The following WNT8A variants were observed in gnomAD, a reference collection of about 807,000 sequenced individuals.
WNT8A encodes the protein Wnt family member 8A, also known as protein Wnt-8a.
Under a neutral mutation model 20.5 loss-of-function variants are expected in WNT8A, and 14 were observed. The ratio of observed to expected loss-of-function variants is 0.68; its 90% CI spans 0.45 to 1.07. WNT8A has a LOEUF of 1.07. Among genes scored for constraint, WNT8A ranks in the 50% least tolerant of loss-of-function variants. The pLI, the probability that WNT8A is intolerant of heterozygous loss-of-function variation, is 0.00. For missense variants in WNT8A, 397 were observed against 462.9 expected, an observed-to-expected ratio of 0.86 and a Z score of 1.31; for synonymous variants, 167 against 169.2, an observed-to-expected ratio of 0.99 and a Z score of 0.10.
intron 2 of WNT8A, among the ~76,000 whole-genome samples, chr5:138,086,813 T>G (rs1750677734): frequency 7.2e-6 from 1 of 139,490 alleles, no homozygotes; most frequent in African/African-American, 2.7e-5. Context: ...GGTGAGTGGA[T>G]CACTTGAGCC....
At position 138,090,771 on chromosome 5, in the gene WNT8A, T is replaced by G. The variant is rs762675896; in HGVS notation, c.808T>G (p.Leu270Val). 6.2e-7 allele frequency: 1 copy of G among 1,614,214 alleles called. No individual in the cohort carries two copies. Among genetic ancestry groups the G allele is most frequent in the South Asian group, 1.1e-5 (1 of 91,080 alleles). The change falls in exon 5 of 5, where the codon TTA becomes GTA. Residue 270 changes from leucine (L) to valine (V), a missense_variant. Physicochemically the swap from Leu to Val is conservative, Grantham distance 32. Coordinates refer to ENST00000506684, the MANE Select transcript of WNT8A (RefSeq NM_001300939.2). ...TAGCGCAGAGGCGGAACTGATCTTT[T>G]TAGAGGAATCACCAGATTACTGTAC... is the stretch of plus-strand genomic sequence containing the variant. ...LPSAEAELIF[L>V]EESPDYCTCN...
chr5:138,086,913 G>A (rs994810359), intron 2 of WNT8A, among the ~76,000 whole-genome samples: 3 of 149,300 alleles, frequency 2.0e-5, no homozygotes, highest in African/African-American at 7.4e-5. Context: ...GGGTGTGGTA[G>A]CATGCACCTA....
intron 2 of WNT8A, among the ~76,000 whole-genome samples, chr5:138,086,925 A>G (rs1334877571): frequency 2.0e-5 from 3 of 150,758 alleles, no homozygotes; most frequent in Non-Finnish European, 4.4e-5. Flanking sequence ...ATGCACCTAT[A>G]GTCCCAGCTA....
upstream of WNT8A, among the ~76,000 whole-genome samples, chr5:138,083,164 T>G (rs1431997696): frequency 6.6e-6 from 1 of 151,036 alleles, no homozygotes; most frequent in Non-Finnish European, 1.5e-5. Context: ...ACCTGTAGTC[T>G]CAGATACTTG....
Position 138,084,488 on chromosome 5 carries a change from C to A in WNT8A, c.157-10C>A. ...CGGGCAGAAGCTCACAGCCCTTTTC[C>A]CTTTGCCAGGCCTATCTGACCTACA... is the stretch of plus-strand genomic sequence containing the variant. On this transcript the variant is annotated splice_polypyrimidine_tract_variant and intron_variant, in intron 1 of 4. Transcript: ENST00000506684. The A allele has an allele frequency of 6.3e-7, 1 of 1,593,620 alleles. No individual in the cohort carries two copies. The highest frequency in any genetic ancestry group is 8.6e-7 in the Non-Finnish European group (1 of 1,168,988).
the WNT8A span, among the ~76,000 whole-genome samples, chr5:138,077,483 T>C: frequency 1.3e-5 from 2 of 152,220 alleles, no homozygotes; most frequent in African/African-American, 4.8e-5. Context: ...GTATTGAGTA[T>C]TGGCCTGAAC....
At chr5:138,084,726 ACAGTGAAATAAAAATGCTGC>A (rs1231774861) in intron 2 of WNT8A, 90 bp downstream of exon 2, 4 of 1,414,052 alleles carry the variant, frequency 2.8e-6, no homozygotes, top group Non-Finnish European at 2.8e-6. Context: ...CATGTATTGC[ACAGTGAAATAAAAATGCTGC>A]CAGTGACCTG....
In WNT8A at chr5:138,084,460, T is replaced by C. The variant is rs550262265; in HGVS notation, c.157-38T>C. 7 of 1,572,322 alleles carry C rather than the reference T, an allele frequency of 4.5e-6. No homozygotes were observed. The Middle Eastern group carries it at 5.2e-4, about 116-fold the overall frequency. On this transcript the variant is annotated intron_variant, in intron 1 of 4. Coordinates refer to ENST00000506684, the MANE Select transcript of WNT8A (RefSeq NM_001300939.2). ...TGCTCCCCCAACCACAGATGACCCATACCGGGCAGAAGCTCACAGCCCTTT... is the reference window on the plus strand; with the variant it reads ...TGCTCCCCCAACCACAGATGACCCACACCGGGCAGAAGCTCACAGCCCTTT...
chr5:138,091,029 C>T lies in WNT8A; in HGVS notation c.1066C>T (p.Arg356Cys), dbSNP rs377702980. The part of the protein sequence containing the change: ...RHVVSKYYCA[R>C]SPGSAQSLGK... ...TGTGGTGAGCAAGTATTACTGCGCA[C>T]GCTCCCCAGGCAGTGCCCAGTCCCT... Residue 356 changes from arginine to cysteine, a missense_variant, in exon 5 of 5, where the codon CGC (arginine) becomes TGC (cysteine). Coordinates refer to ENST00000506684, the MANE Select transcript of WNT8A (RefSeq NM_001300939.2). 380 of 1,613,732 alleles carry T rather than the reference C, an allele frequency of 2.4e-4. No individual in the cohort carries two copies. The highest frequency in any genetic ancestry group is 3.7e-4 in the African/African-American group (28 of 74,892).
intron 3 of WNT8A, among the ~76,000 whole-genome samples, chr5:138,088,244 AC>A (rs1750734766): frequency 6.6e-6 from 1 of 152,180 alleles, no homozygotes; most frequent in African/African-American, 2.4e-5. Context: ...TCAGCAATTT[AC>A]AGATTACCTA....
chr5:138,083,860 G>A (rs1435801715), upstream of WNT8A: 11 of 461,310 alleles, frequency 2.4e-5, no homozygotes, highest in Non-Finnish European at 4.2e-5. Context: ...GGCTGGAGGG[G>A]CTGGGCAGGG....
At chr5:138,082,836 C>T (rs1750542058), upstream of WNT8A, among the ~76,000 whole-genome samples, 1 of 151,040 alleles carries the variant, frequency 6.6e-6, no homozygotes, top group Admixed American at 6.6e-5. Flanking sequence ...GAGATCATGC[C>T]ACTGCACTCC....
chr5:138,086,374 T>A (rs1199261192), intron 2 of WNT8A, among the ~76,000 whole-genome samples: 1 of 151,862 alleles, frequency 6.6e-6, no homozygotes, highest in African/African-American at 2.4e-5. Context: ...TGCACCCCCA[T>A]GCCCGGCTAA....
At chr5:138,084,310 T>C in intron 1 of WNT8A, 27 bp downstream of exon 1, 6 of 1,613,098 alleles carry the variant, frequency 3.7e-6, no homozygotes, top group African/African-American at 1.3e-5. Flanking sequence ...CTTCTGTTTT[T>C]ACCCACTGAG....
rs757198828 is a variant in WNT8A, at chr5:138,091,500, T to A, written c.*427T>A. 4.5e-6 allele frequency: 6 copies of A among 1,340,970 alleles called. No individual in the cohort carries two copies. In the African/African-American group the frequency reaches 8.9e-5, roughly 20 times the overall value. 83.1% of individuals were successfully genotyped at this position (1,340,970 alleles called of 1,614,324 possible). ...AACGAAAGAGTTCTGTTCAGACTTC[T>A]GAAGAGCAGCCTGTGGCTACAAATC... On this transcript the variant is annotated 3_prime_UTR_variant, in exon 5 of 5. Transcript: ENST00000506684.
In WNT8A at chr5:138,091,211, G is replaced by A. The variant is rs1750844358; in HGVS notation, c.*138G>A. The A allele has an allele frequency of 6.5e-7, 1 of 1,542,034 alleles. No individual in the cohort carries two copies. Among genetic ancestry groups the A allele is most frequent in the Non-Finnish European group, 8.6e-7 (1 of 1,156,330 alleles). On this transcript the variant is annotated 3_prime_UTR_variant, in exon 5 of 5. Coordinates refer to ENST00000506684, the MANE Select transcript of WNT8A (RefSeq NM_001300939.2). Reference sequence around the variant, plus strand: ...GTCCTCATGATATCTGCTATCAGTGGGGAAAATGGAGGCCCAAGATTCTAC... The same window carrying A: ...GTCCTCATGATATCTGCTATCAGTGAGGAAAATGGAGGCCCAAGATTCTAC...
chr5:138,084,051 G>A lies in WNT8A; in HGVS notation c.-77G>A. 6.3e-7 allele frequency: 1 copy of A among 1,596,788 alleles called. No homozygotes were observed. Among genetic ancestry groups the A allele is most frequent in the Non-Finnish European group, 8.6e-7 (1 of 1,168,096 alleles). On this transcript the variant is annotated 5_prime_UTR_variant, in exon 1 of 5. Coordinates refer to ENST00000506684, the MANE Select transcript of WNT8A (RefSeq NM_001300939.2). Reference sequence around the variant, plus strand: ...CCCTCTCCTCACTTCTCTGGACTTGGCCCTGAGCTGGACCTGGTCCACTGG... The same window carrying A: ...CCCTCTCCTCACTTCTCTGGACTTGACCCTGAGCTGGACCTGGTCCACTGG...
upstream of WNT8A, among the ~76,000 whole-genome samples, chr5:138,079,474 A>G (rs1459143924): frequency 6.6e-6 from 1 of 151,956 alleles, no homozygotes; most frequent in East Asian, 1.9e-4. Flanking sequence ...CATTATATCT[A>G]TATGACAGAA....
chr5:138,088,945 G>A lies in WNT8A; in HGVS notation c.440G>A (p.Trp147Ter), dbSNP rs1750758799. 6.2e-7 allele frequency: 1 copy of A among 1,613,868 alleles called. No homozygotes were observed. The change falls in exon 4 of 5, where the codon TGG becomes TAG. Residue 147 changes from tryptophan to a stop codon, truncating the protein, a stop_gained. Transcript: ENST00000506684. LOFTEE classifies it high-confidence loss of function. ...NGKTGGHGWIWGGCSDNVEFG... is the reference protein window; with the variant it reads ...NGKTGGHGWI ...TATATAGGAGGCCATGGCTGGATCT[G>A]GGGAGGCTGCAGCGACAATGTGGAA...
Sources: allele counts gnomAD v4.1 joint callset (sites outside exome capture counted in the v4.1 genomes callset), GRCh38; gene constraint gnomAD v4.1.1; transcripts MANE v1.5; gene names NCBI Gene and HGNC (gene_info 2026-07-23, HGNC 2026-07-21).